The following CELF4 variants were observed in gnomAD, a reference collection of about 807,000 sequenced individuals.
The protein encoded by CELF4 is CUGBP Elav-like family member 4, also known as CUG-BP- and ETR-3-like factor 4.
A neutral mutation model predicts 59.9 loss-of-function variants in CELF4; 18 were observed. The ratio of observed to expected loss-of-function variants is 0.30; its 90% CI spans 0.21 to 0.45. CELF4 has a LOEUF of 0.45. Among genes scored for constraint, CELF4 ranks in the 20% least tolerant of loss-of-function variants. CELF4 has a pLI of 1.00. For missense variants in CELF4, 456 were observed against 689.0 expected (o/e 0.66, Z 3.79); for synonymous variants, 261 against 267.1 (o/e 0.98, Z 0.22).
intron 2 of CELF4, among the ~76,000 whole-genome samples, chr18:37,327,619 T>C (rs532716334): frequency 3.3e-5 from 5 of 152,284 alleles, no homozygotes; most frequent in Non-Finnish European, 5.9e-5. Flanking sequence ...TGTCCTTCAC[T>C]GCCTGATGCC....
intron 2 of CELF4, among the ~76,000 whole-genome samples, chr18:37,474,648 T>C (rs950687934): frequency 1.3e-5 from 2 of 152,270 alleles, no homozygotes; most frequent in African/African-American, 4.8e-5. Flanking sequence ...TGATGCTGTC[T>C]TAAATAAATG....
chr18:37,279,546 C>T (rs545079462), intron 3 of CELF4, among the ~76,000 whole-genome samples: 2 of 152,330 alleles, frequency 1.3e-5, no homozygotes, highest in East Asian at 3.9e-4. Flanking sequence ...AGTCTCTCAA[C>T]AGCTGTTCAC....
At chr18:37,344,312 G>A (rs1026273181) in intron 2 of CELF4, among the ~76,000 whole-genome samples, 3 of 152,216 alleles carry the variant, frequency 2.0e-5, no homozygotes, top group Admixed American at 6.5e-5. Context: ...CAAGCAACCC[G>A]TGAAACACAG....
chr18:37,539,257 GTTA>G (rs1280554120), intron 1 of CELF4, among the ~76,000 whole-genome samples: 2 of 152,164 alleles, frequency 1.3e-5, no homozygotes, highest in Non-Finnish European at 2.9e-5. Context: ...CAATGGCTCT[GTTA>G]TTATCTTTAT....
Position 37,333,722 on chromosome 18 carries a change from C to CTCCA in CELF4, c.370-11845_370-11842dup, listed in dbSNP as rs35996325. On this transcript the variant is annotated intron_variant, in intron 2 of 12. Transcript: ENST00000420428. ...AGCTGTTGTTGTGATGGGCCACAAA[C>CTCCA]TCCATCCATCCATCCATCCATCCAT... 3.9e-3 allele frequency among the ~76,000 whole-genome samples: 566 copies of CTCCA among 146,722 alleles called. 4 individuals are homozygous for CTCCA. The highest frequency in any genetic ancestry group is 0.011 in the South Asian group (49 of 4,392).
At chr18:37,538,474 G>A (rs1569569801) in intron 1 of CELF4, among the ~76,000 whole-genome samples, 1 of 152,124 alleles carries the variant, frequency 6.6e-6, no homozygotes, top group Admixed American at 6.5e-5. Context: ...CTCCTTCAGG[G>A]CAGAGGCTCC....
At chr18:37,376,690 C>T (rs909806450) in intron 2 of CELF4, among the ~76,000 whole-genome samples, 16 of 152,224 alleles carry the variant, frequency 1.1e-4, no homozygotes, top group Non-Finnish European at 1.8e-4. Context: ...GGAAAATAGG[C>T]AAGGCCCTGG....
intron 2 of CELF4, among the ~76,000 whole-genome samples, chr18:37,353,767 C>CTT (rs35838731): frequency 1.1e-5 from 1 of 90,946 alleles, no homozygotes. Flanking sequence ...GCAGTTCTTT[C>CTT]TTTTTTTTTT....
Position 37,490,646 on chromosome 18 carries a change from T to C in CELF4, c.287-5039A>G, listed in dbSNP as rs2099899481. 2.6e-5 allele frequency among the ~76,000 whole-genome samples: 4 copies of C among 152,080 alleles called. No homozygotes were observed. The South Asian group carries it at 6.2e-4, about 24-fold the overall frequency. Reference sequence around the variant, plus strand: ...TGCTCTCAACTCAGCAAGCTGGAAATGTAAATGATTCTGGTTCTTTGGCCC... The same window carrying C: ...TGCTCTCAACTCAGCAAGCTGGAAACGTAAATGATTCTGGTTCTTTGGCCC... On this transcript the variant is annotated intron_variant, in intron 1 of 12. Coordinates refer to ENST00000420428, the MANE Select transcript of CELF4 (RefSeq NM_020180.4).
chr18:37,257,083 G>GA lies in CELF4; in HGVS notation c.1333+2097dup, dbSNP rs200150330. Among the ~76,000 whole-genome samples the GA allele has an allele frequency of 2.8e-3, 421 of 150,602 alleles. 1 individual carries two copies. The highest frequency in any genetic ancestry group is 5.1e-3 in the African/African-American group (208 of 40,898). On this transcript the variant is annotated intron_variant, in intron 11 of 12. Coordinates refer to ENST00000420428, the MANE Select transcript of CELF4 (RefSeq NM_020180.4). The stretch of plus-strand genomic sequence containing the variant: ...CTAGATTAGAGGTATACTAATTAGA[G>GA]AGAAAAAAAAACTGTAGTCCTGGCT...
intron 1 of CELF4, among the ~76,000 whole-genome samples, chr18:37,555,460 A>G (rs1353295557): frequency 6.6e-6 from 1 of 152,142 alleles, no homozygotes; most frequent in African/African-American, 2.4e-5. Flanking sequence ...GCCTCTGGGA[A>G]CAAGGACCCC....
chr18:37,555,934 G>A (rs563766138), intron 1 of CELF4, among the ~76,000 whole-genome samples: 11 of 152,152 alleles, frequency 7.2e-5, no homozygotes, highest in Non-Finnish European at 1.6e-4. Flanking sequence ...GCGTGTTCAC[G>A]TGTATGTAAG....
intron 1 of CELF4, among the ~76,000 whole-genome samples, chr18:37,528,374 T>C (rs1421765560): frequency 6.6e-6 from 1 of 152,162 alleles, no homozygotes; most frequent in South Asian, 2.1e-4. Flanking sequence ...ACGGAGATAT[T>C]GACTGTGTGT....
In CELF4 at chr18:37,245,620, C is replaced by T. The variant is rs934631174; in HGVS notation, c.*45-423G>A. On this transcript the variant is annotated intron_variant, in intron 12 of 12. Transcript: ENST00000420428. The surrounding 1 kb of genome is among the most constrained non-coding windows in gnomAD (Gnocchi z 4.1). Reference sequence around the variant, plus strand: ...AAACAAGATAGGAAAAATCTAGCAGCCCAGCCCACTCCTCCCAGCTCAAGG... The same window carrying T: ...AAACAAGATAGGAAAAATCTAGCAGTCCAGCCCACTCCTCCCAGCTCAAGG... 2.0e-5 allele frequency among the ~76,000 whole-genome samples: 3 copies of T among 152,018 alleles called. No homozygotes were observed. The highest frequency in any genetic ancestry group is 2.9e-5 in the Non-Finnish European group (2 of 68,004).
intron 2 of CELF4, among the ~76,000 whole-genome samples, chr18:37,397,247 T>G (rs1412527516): frequency 6.6e-6 from 1 of 151,894 alleles, no homozygotes; most frequent in Non-Finnish European, 1.5e-5. Flanking sequence ...AACCAGCCCC[T>G]CACCCTCCAT....
intron 2 of CELF4, among the ~76,000 whole-genome samples, chr18:37,344,922 G>T (rs771664952): frequency 2.0e-5 from 3 of 152,178 alleles, no homozygotes; most frequent in Non-Finnish European, 4.4e-5. Context: ...TCTAAGAGGG[G>T]AGTGTGCCCT....
intron 1 of CELF4, among the ~76,000 whole-genome samples, chr18:37,528,657 T>C (rs2099966375): frequency 6.6e-6 from 1 of 152,126 alleles, no homozygotes. Context: ...ACGTGAGATA[T>C]TTCTAGAAGA....
At chr18:37,493,619 G>A (rs1219801663) in intron 1 of CELF4, among the ~76,000 whole-genome samples, 1 of 151,810 alleles carries the variant, frequency 6.6e-6, no homozygotes, top group Admixed American at 6.6e-5. Flanking sequence ...CTGGTAGCAG[G>A]AGCCATACGT....
chr18:37,294,774 C>T (rs565296419), intron 3 of CELF4, among the ~76,000 whole-genome samples: 36 of 152,308 alleles, frequency 2.4e-4, no homozygotes, highest in Non-Finnish European at 5.3e-4. Flanking sequence ...GGCCATGGCT[C>T]AATTTGCTCT....
Sources: allele counts gnomAD v4.1 joint callset (sites outside exome capture counted in the v4.1 genomes callset), GRCh38; gene constraint gnomAD v4.1.1; non-coding constraint Gnocchi (gnomAD v3.1); transcripts MANE v1.5; gene names NCBI Gene and HGNC (gene_info 2026-07-23, HGNC 2026-07-21).